The following LZIC variants were observed in gnomAD, a reference collection of about 807,000 sequenced individuals.
LZIC encodes the protein protein LZIC.
LZIC carries 28 observed loss-of-function variants against 25.4 expected under a neutral mutation model. The ratio of observed to expected loss-of-function variants is 1.10; its 90% confidence interval spans 0.82 to 1.51. The LOEUF is 1.51. Ranked by LOEUF, LZIC falls within the 40% of genes most tolerant of loss-of-function variation. The probability of loss-of-function intolerance (pLI) is 0.00; values close to 1 mark genes in which losing one functional copy is unlikely to be tolerated. For missense variants in LZIC, 170 were observed against 211.1 expected (o/e 0.81, Z 1.21); for synonymous variants, 65 against 70.7 (o/e 0.92, Z 0.40).
Position 9,929,200 on chromosome 1 carries a change from GT to G in LZIC, c.*1198del. The G allele has an allele frequency of 1.9e-6, 1 of 537,950 alleles. No homozygotes were observed. Among genetic ancestry groups the G allele is most frequent in the South Asian group, 8.1e-5 (1 of 12,350 alleles). The allele number at this position is 537,950 out of a possible 1,614,324, so 33.3% of individuals were successfully genotyped here. ...GATATATGAATTTCACCTCTTTTAAGTTCCAAATAAGGCATCAGTGTAGCGG... is the reference window on the plus strand; with the variant it reads ...GATATATGAATTTCACCTCTTTTAAGTCCAAATAAGGCATCAGTGTAGCGG... On this transcript the variant is annotated 3_prime_UTR_variant, in exon 8 of 8. Coordinates refer to ENST00000377223, the MANE Select transcript of LZIC (RefSeq NM_032368.5).
intron 2 of LZIC, among the ~76,000 whole-genome samples, chr1:9,938,606 G>T (rs949445803): frequency 6.6e-6 from 1 of 152,182 alleles, no homozygotes; most frequent in African/African-American, 2.4e-5. Context: ...AGGCTGGAGT[G>T]CAGTGGCATG....
chr1:9,938,151 T>C, intron 2 of LZIC, among the ~76,000 whole-genome samples: 1 of 152,148 alleles, frequency 6.6e-6, no homozygotes, highest in East Asian at 1.9e-4. Context: ...CTTATGTATA[T>C]TGACCTAATT....
intron 5 of LZIC, among the ~76,000 whole-genome samples, chr1:9,934,237 A>G (rs1292215274): frequency 6.6e-6 from 1 of 151,994 alleles, no homozygotes; most frequent in African/African-American, 2.4e-5. Context: ...CAAAAAAAAA[A>G]AAAAACATAA....
intron 5 of LZIC, among the ~76,000 whole-genome samples, chr1:9,934,405 G>A (rs1640368813): frequency 6.6e-6 from 1 of 152,118 alleles, no homozygotes; most frequent in Non-Finnish European, 1.5e-5. Flanking sequence ...ACTTCTGGAA[G>A]TATCAGGTTT....
rs530535784 is a variant in LZIC at position 9,937,946 on chromosome 1, TAAC to T, written c.-8-1322_-8-1320del. 5.3e-4 allele frequency among the ~76,000 whole-genome samples: 77 copies of T among 144,554 alleles called. 1 individual carries two copies. The highest frequency in any genetic ancestry group is 1.0e-3 in the Non-Finnish European group (69 of 66,100). The allele number at this position is 144,554 out of a possible 152,430, so 94.8% of individuals were successfully genotyped here. On this transcript the variant is annotated intron_variant, in intron 2 of 7. Coordinates refer to ENST00000377223, the MANE Select transcript of LZIC (RefSeq NM_032368.5). ...ATAAAAGTTTAAACTCATATAGTAA[TAAC>T]ACCCCACAAAAATACCTGAAAGTCC... is the stretch of plus-strand genomic sequence containing the variant.
downstream of LZIC, among the ~76,000 whole-genome samples, chr1:9,924,643 C>T (rs141007540): frequency 3.6e-3 from 549 of 152,240 alleles, 5 homozygotes; most frequent in African/African-American, 0.013. Flanking sequence ...CGTGAACCAC[C>T]GTGCCCGGCC....
At position 9,936,647 on chromosome 1, in the gene LZIC, C is replaced by T; in HGVS notation, c.-8-20G>A. On this transcript the variant is annotated intron_variant, in intron 2 of 7. Coordinates refer to ENST00000377223, the MANE Select transcript of LZIC (RefSeq NM_032368.5). ...TAATCTCTATGTGAAACAATAAACC[C>T]ACATACCATATGAAATTAACATACC... The T allele has an allele frequency of 6.8e-7, 1 of 1,478,824 alleles. No homozygotes were observed. Among genetic ancestry groups the T allele is most frequent in the Non-Finnish European group, 9.4e-7 (1 of 1,062,754 alleles). 91.6% of individuals were successfully genotyped at this position (1,478,824 alleles called of 1,614,324 possible). A position where few individuals can be genotyped will look rare whatever the true frequency, so the allele number is the denominator to read the frequency against.
chr1:9,923,393 A>G (rs139381910), downstream of LZIC, among the ~76,000 whole-genome samples: 667 of 151,966 alleles, frequency 4.4e-3, 5 homozygotes, highest in African/African-American at 0.015. Flanking sequence ...TGGTTTCAGT[A>G]GAGACAGGGT....
chr1:9,931,234 T>A (rs761579194), intron 7 of LZIC, among the ~76,000 whole-genome samples: 3 of 151,724 alleles, frequency 2.0e-5, no homozygotes, highest in Non-Finnish European at 4.4e-5. Context: ...ACCTAGCTAA[T>A]TTTTTTTCTT....
chr1:9,942,388 A>G (rs1640797089), intron 2 of LZIC, among the ~76,000 whole-genome samples: 2 of 152,226 alleles, frequency 1.3e-5, no homozygotes, highest in Non-Finnish European at 2.9e-5. Flanking sequence ...GGTCACGTAT[A>G]TAAAGGCTCA....
In LZIC at chr1:9,943,322, G is replaced by A. The variant is rs537886432; in HGVS notation, c.-241C>T. 1 of 153,850 alleles carries A rather than the reference G, an allele frequency of 6.5e-6. No homozygotes were observed. The highest frequency in any genetic ancestry group is 2.4e-5 in the African/African-American group (1 of 41,480). The allele number at this position is 153,850 out of a possible 1,614,324, so 9.5% of individuals were successfully genotyped here. ...GCCGCCTGACCGCCCGCCAGTCCCAGAGTTTAGGGCCAGGGGCCCCGCCTA... is the reference window on the plus strand; with the variant it reads ...GCCGCCTGACCGCCCGCCAGTCCCAAAGTTTAGGGCCAGGGGCCCCGCCTA... On this transcript the variant is annotated 5_prime_UTR_variant, in exon 1 of 8. Transcript: ENST00000377223.
chr1:9,930,311 T>G lies in LZIC; in HGVS notation c.*88A>C, dbSNP rs1640153370. The stretch of plus-strand genomic sequence containing the variant: ...GTTATTGATGCATTTCCAGAATCTC[T>G]TCATTTCTTTGCAATAACTGAAAAC... On this transcript the variant is annotated 3_prime_UTR_variant, in exon 8 of 8. Coordinates refer to ENST00000377223, the MANE Select transcript of LZIC (RefSeq NM_032368.5). The G allele has an allele frequency of 4.5e-6, 7 of 1,572,078 alleles. No individual in the cohort carries two copies. The Middle Eastern group carries it at 6.9e-4, about 154-fold the overall frequency.
chr1:9,923,792 A>T (rs1639916269), downstream of LZIC, among the ~76,000 whole-genome samples: 1 of 152,026 alleles, frequency 6.6e-6, no homozygotes, highest in African/African-American at 2.4e-5. Flanking sequence ...TTGCTCTGTC[A>T]CCCAGGCTGG....
chr1:9,930,434 G>A lies in LZIC; in HGVS notation c.538C>T (p.Leu180=), dbSNP rs762674523. 2 of 1,613,614 alleles carry A rather than the reference G, an allele frequency of 1.2e-6. No homozygotes were observed. Among genetic ancestry groups the A allele is most frequent in the Non-Finnish European group, 1.7e-6 (2 of 1,179,764 alleles). The change falls in exon 8 of 8, where the codon CTG becomes TTG. Residue 180 remains leucine (L), a synonymous_variant. Transcript: ENST00000377223. ...GTTTTTTCAACCTCAAAACTTGCCAGAGCAAGAATTTTGTCTCCAGAGCCT... is the reference window on the plus strand; with the variant it reads ...GTTTTTTCAACCTCAAAACTTGCCAAAGCAAGAATTTTGTCTCCAGAGCCT... The part of the protein sequence containing the change: ...DLGSGDKILA[L]ASFEVEKTKK
chr1:9,936,447 G>A, intron 3 of LZIC, 72 bp downstream of exon 3: 1 of 900,488 alleles, frequency 1.1e-6, no homozygotes, highest in Admixed American at 1.8e-5. Flanking sequence ...TCACACATGG[G>A]CCTGCATCCA....
intron 3 of LZIC, 22 bp downstream of exon 3, chr1:9,936,497 C>G (rs746289449): frequency 6.4e-7 from 1 of 1,552,324 alleles, no homozygotes; most frequent in Non-Finnish European, 8.9e-7. Flanking sequence ...TCCAGCATAA[C>G]AACATACAAT....
rs1485191407 is a variant in LZIC, at chr1:9,926,583, C to CA, written c.*3815dup. Among the ~76,000 whole-genome samples the CA allele has an allele frequency of 7.2e-5, 11 of 152,292 alleles. No individual in the cohort carries two copies. Among genetic ancestry groups the CA allele is most frequent in the African/African-American group, 1.4e-4 (6 of 41,576 alleles). On this transcript the variant is annotated 3_prime_UTR_variant, in exon 8 of 8. Transcript: ENST00000377223. ...AAATATGTCTTACTGCTCACAAGAT[C>CA]AAAAGAAAACAGAACAAAACATTGA...
At chr1:9,942,939 C>T (rs1570662504) in intron 1 of LZIC, 157 bp from the exon 2 acceptor site, 1 of 354,654 alleles carries the variant, frequency 2.8e-6, no homozygotes, top group East Asian at 7.4e-5. Flanking sequence ...TGAGTTTCTT[C>T]CTAGCGAGGC....
At chr1:9,942,117 A>T (rs1375036541) in intron 2 of LZIC, among the ~76,000 whole-genome samples, 2 of 151,576 alleles carry the variant, frequency 1.3e-5, no homozygotes, top group Non-Finnish European at 2.9e-5. Flanking sequence ...GGGTTTCACC[A>T]TGTTGTCCAG....
Sources: gnomAD v4.1 joint callset for allele counts (sites outside exome capture counted in the v4.1 genomes callset) on GRCh38, gnomAD v4.1.1 for gene constraint, MANE v1.5 for transcripts, NCBI Gene and HGNC (gene_info 2026-07-23, HGNC 2026-07-21) for gene names.